Variants in SV2C observed in about 807,000 individuals in gnomAD.
The protein encoded by SV2C is solute carrier family 22 member B3.
A neutral mutation model predicts 79.7 loss-of-function variants in SV2C; 49 were observed. That is an observed-to-expected ratio of 0.61 (90% CI 0.49 to 0.78). The LOEUF (loss-of-function observed/expected upper bound fraction) is 0.78. SV2C is among the 30% of genes least tolerant of loss of function. The probability of loss-of-function intolerance (pLI) is 0.00; values close to 1 mark genes in which losing one functional copy is unlikely to be tolerated. For synonymous variants in SV2C, 334 were observed against 333.2 expected, an observed-to-expected ratio of 1.00 and a Z score of -0.03; for missense variants, 833 against 912.9, an observed-to-expected ratio of 0.91 and a Z score of 1.13.
At chr5:76,345,555 C>T (rs988575660) in intron 12 of SV2C, among the ~76,000 whole-genome samples, 1 of 152,224 alleles carries the variant, frequency 6.6e-6, no homozygotes, top group African/African-American at 2.4e-5. Flanking sequence ...CACCACCCTT[C>T]TCTGCTCATA....
chr5:76,206,455 C>T (rs979263319), intron 3 of SV2C, among the ~76,000 whole-genome samples: 1 of 152,222 alleles, frequency 6.6e-6, no homozygotes, highest in Non-Finnish European at 1.5e-5. Flanking sequence ...AGGCATAGAG[C>T]AACTCAGGAA....
chr5:76,274,587 A>G (rs1378383671), intron 4 of SV2C, among the ~76,000 whole-genome samples: 1 of 151,960 alleles, frequency 6.6e-6, no homozygotes, highest in Non-Finnish European at 1.5e-5. Flanking sequence ...GTTATATGAT[A>G]TTCCATTGTA....
chr5:76,222,971 AG>A (rs1561270819), intron 4 of SV2C, among the ~76,000 whole-genome samples: 1 of 152,134 alleles, frequency 6.6e-6, no homozygotes, highest in East Asian at 1.9e-4. Flanking sequence ...CTGTACATGA[AG>A]AAGCTAAGAA....
chr5:76,208,977 C>T (rs1275326347), intron 3 of SV2C, among the ~76,000 whole-genome samples: 1 of 152,152 alleles, frequency 6.6e-6, no homozygotes, highest in East Asian at 1.9e-4. Context: ...TTTGAGCACC[C>T]TTACCCTGGG....
the SV2C span, among the ~76,000 whole-genome samples, chr5:75,949,101 C>A: frequency 0.4 from 61,279 of 151,374 alleles, 12,457 homozygotes; most frequent in African/African-American, 0.42. Context: ...TGTGTGGCAC[C>A]TCCTCTCCCT....
chr5:76,135,660 C>G (rs1421418575), intron 2 of SV2C, among the ~76,000 whole-genome samples: 1 of 152,166 alleles, frequency 6.6e-6, no homozygotes, highest in Non-Finnish European at 1.5e-5. Context: ...GTTTTTAAGA[C>G]TTCTTATTGA....
intron 1 of SV2C, among the ~76,000 whole-genome samples, chr5:76,114,446 G>T (rs1748197651): frequency 6.6e-6 from 1 of 152,214 alleles, no homozygotes; most frequent in African/African-American, 2.4e-5. Flanking sequence ...TGCAAGCTCT[G>T]GGGGCTCTGT....
chr5:76,045,340 G>T, the SV2C span, among the ~76,000 whole-genome samples: 6 of 152,140 alleles, frequency 3.9e-5, no homozygotes, highest in Admixed American at 2.0e-4. Flanking sequence ...TAGAAGTTGG[G>T]CAGCATGATG....
rs150610759 is a variant in SV2C at position 76,305,624 on chromosome 5, C to T, written c.2000+4079C>T. Among the ~76,000 whole-genome samples the T allele has an allele frequency of 1.3e-3, 200 of 152,200 alleles. 1 individual carries two copies. Among genetic ancestry groups the T allele is most frequent in the African/African-American group, 4.7e-3 (196 of 41,530 alleles). ...AATTTTGTGTCTTTTATAAGTTATC[C>T]TACCTAGATCGTTTGATAAAGAGGC... On this transcript the variant is annotated intron_variant, in intron 12 of 12. Transcript: ENST00000502798.
At chr5:75,926,138 G>A in the SV2C span, among the ~76,000 whole-genome samples, 6 of 152,192 alleles carry the variant, frequency 3.9e-5, no homozygotes, top group South Asian at 1.0e-3. Context: ...ATTAGAAGCC[G>A]GGGTAGCTTG....
intron 3 of SV2C, among the ~76,000 whole-genome samples, chr5:76,208,376 T>C (rs991626823): frequency 4.6e-5 from 7 of 152,208 alleles, no homozygotes; most frequent in Non-Finnish European, 7.3e-5. Context: ...ACCCATAGAT[T>C]GAAAAGCACC....
chr5:76,213,033 A>G (rs1561266851), intron 4 of SV2C, among the ~76,000 whole-genome samples: 1 of 152,232 alleles, frequency 6.6e-6, no homozygotes, highest in East Asian at 1.9e-4. Context: ...TGACGACACA[A>G]CAAAATTAAA....
At chr5:75,988,125 A>G in the SV2C span, among the ~76,000 whole-genome samples, 392 of 152,104 alleles carry the variant, frequency 2.6e-3, 2 homozygotes, top group African/African-American at 9.0e-3. Flanking sequence ...GTATGTGTGC[A>G]CACACACACA....
At chr5:75,970,593 C>T in the SV2C span, among the ~76,000 whole-genome samples, 13 of 152,146 alleles carry the variant, frequency 8.5e-5, no homozygotes, top group African/African-American at 1.7e-4. Context: ...ATAAATTCCT[C>T]GACACATACA....
At chr5:76,315,188 G>GCGCACA (rs1554047415) in intron 12 of SV2C, among the ~76,000 whole-genome samples, 10 of 145,206 alleles carry the variant, frequency 6.9e-5, no homozygotes, top group Non-Finnish European at 1.5e-4. Flanking sequence ...ATGGCCAGGC[G>GCGCACA]CACACACACA....
At chr5:76,350,138 A>G (rs1319227391) in intron 12 of SV2C, among the ~76,000 whole-genome samples, 1 of 152,184 alleles carries the variant, frequency 6.6e-6, no homozygotes, top group Admixed American at 6.5e-5. Flanking sequence ...AACGATCACA[A>G]ATCTGCATGT....
At chr5:76,211,037 A>T (rs1436716337) in intron 4 of SV2C, among the ~76,000 whole-genome samples, 1 of 152,208 alleles carries the variant, frequency 6.6e-6, no homozygotes, top group East Asian at 1.9e-4. Context: ...CAGCAGCAGC[A>T]TATAAGACAA....
intron 2 of SV2C, among the ~76,000 whole-genome samples, chr5:76,191,253 C>A (rs1438483130): frequency 7.3e-6 from 1 of 136,750 alleles, no homozygotes; most frequent in Non-Finnish European, 1.6e-5. Flanking sequence ...ATGGTCTAAT[C>A]ACCTCCCAGG....
In SV2C at chr5:76,190,465, T is replaced by C. The variant is rs74862179; in HGVS notation, c.581-4454T>C. Among the ~76,000 whole-genome samples the C allele has an allele frequency of 2.1e-3, 325 of 152,328 alleles. 13 individuals are homozygous for C. The East Asian group carries it at 0.059, about 28-fold the overall frequency. On this transcript the variant is annotated intron_variant, in intron 2 of 12. Transcript: ENST00000502798. ...TGGGTAAGTTGACCTAACTGGATTCTTGCTGAAGACAGAGCAGGGTGATCA... is the reference window on the plus strand; with the variant it reads ...TGGGTAAGTTGACCTAACTGGATTCCTGCTGAAGACAGAGCAGGGTGATCA...
Sources: gnomAD v4.1 joint callset for allele counts (sites outside exome capture counted in the v4.1 genomes callset) on GRCh38, gnomAD v4.1.1 for gene constraint, MANE v1.5 for transcripts, NCBI Gene and HGNC (gene_info 2026-07-23, HGNC 2026-07-21) for gene names.